The following SPACA7 variants were observed in gnomAD, a reference collection of about 807,000 sequenced individuals.
SPACA7 encodes sperm acrosome-associated protein 7.
Under a neutral mutation model 26.3 loss-of-function variants are expected in SPACA7, and 19 were observed. That is an observed-to-expected ratio of 0.72 (90% CI 0.50 to 1.06). The LOEUF (loss-of-function observed/expected upper bound fraction) is 1.06. SPACA7 is among the 50% of genes least tolerant of loss of function. The probability of loss-of-function intolerance (pLI) is 0.00; values close to 1 mark genes in which losing one functional copy is unlikely to be tolerated. For synonymous variants in SPACA7, 84 were observed against 84.5 expected, an observed-to-expected ratio of 0.99 and a Z score of 0.04; for missense variants, 211 against 229.9, an observed-to-expected ratio of 0.92 and a Z score of 0.53.
At chr13:112,396,274 T>C (rs140802110) in intron 2 of SPACA7, among the ~76,000 whole-genome samples, 40,355 of 151,068 alleles carry the variant, frequency 0.27, 5,509 homozygotes, top group African/African-American at 0.38. Context: ...ACGGGGGTGA[T>C]CCCCAGTAAC....
intron 5 of SPACA7, among the ~76,000 whole-genome samples, chr13:112,411,009 A>C (rs1886313536): frequency 6.6e-6 from 1 of 152,270 alleles, no homozygotes; most frequent in East Asian, 1.9e-4. Flanking sequence ...TTACTTTCTC[A>C]GGAAAACTGA....
chr13:112,393,545 C>G (rs1366989650), intron 2 of SPACA7, among the ~76,000 whole-genome samples: 1 of 151,822 alleles, frequency 6.6e-6, no homozygotes, highest in Non-Finnish European at 1.5e-5. Flanking sequence ...AAACTACAGA[C>G]CCCCTGGCCT....
chr13:112,415,824 C>A (rs777417919), intron 5 of SPACA7, among the ~76,000 whole-genome samples: 1 of 152,092 alleles, frequency 6.6e-6, no homozygotes, highest in Non-Finnish European at 1.5e-5. Flanking sequence ...TGAAGCAGGG[C>A]AGGACTCAGG....
chr13:112,431,669 C>T (rs753076110), intron 5 of SPACA7, among the ~76,000 whole-genome samples: 2 of 152,178 alleles, frequency 1.3e-5, no homozygotes, highest in Non-Finnish European at 2.9e-5. Flanking sequence ...TGTACCAAAC[C>T]GTATTTTTAA....
chr13:112,403,235 T>A (rs1288933223), intron 5 of SPACA7, among the ~76,000 whole-genome samples: 1 of 152,216 alleles, frequency 6.6e-6, no homozygotes, highest in African/African-American at 2.4e-5. Flanking sequence ...AGTTATCCAC[T>A]TCTTCTTGGT....
chr13:112,399,225 G>C, intron 4 of SPACA7, 52 bp downstream of exon 4: 1 of 984,686 alleles, frequency 1.0e-6, no homozygotes, highest in Non-Finnish European at 1.6e-6. Context: ...TAATGGGAGA[G>C]GTAGGAGGCA....
chr13:112,413,271 T>C (rs540572396), intron 5 of SPACA7, among the ~76,000 whole-genome samples: 1 of 152,340 alleles, frequency 6.6e-6, no homozygotes, highest in Non-Finnish European at 1.5e-5. Flanking sequence ...GTCTGGTGGA[T>C]GTGAATTCTC....
rs1026120253 is a variant in SPACA7, at chr13:112,432,611, G to C, written c.523+90G>C. 4 of 983,840 alleles carry C rather than the reference G, an allele frequency of 4.1e-6. No individual in the cohort carries two copies. In the African/African-American group the frequency reaches 6.4e-5, roughly 16 times the overall value. The allele number at this position is 983,840 out of a possible 1,614,324, so 60.9% of individuals were successfully genotyped here. On this transcript the variant is annotated intron_variant, in intron 6 of 6. Transcript: ENST00000283550. Reference sequence around the variant, plus strand: ...GTGTGTCTCCGAGCAGCTCCAGGGAGAGCAGGTGAGCCCAGCCCCCAGGTG... The same window carrying C: ...GTGTGTCTCCGAGCAGCTCCAGGGACAGCAGGTGAGCCCAGCCCCCAGGTG...
chr13:112,395,085 G>T (rs9577739), intron 2 of SPACA7, among the ~76,000 whole-genome samples: 93,283 of 151,918 alleles, frequency 0.61, 28,929 homozygotes, highest in South Asian at 0.7. Context: ...CACGTGCAAT[G>T]TCAAAGCCTC....
Position 112,433,347 on chromosome 13 carries a change from C to G in SPACA7, c.523+826C>G, listed in dbSNP as rs537457346. On this transcript the variant is annotated intron_variant, in intron 6 of 6. Coordinates refer to ENST00000283550, the MANE Select transcript of SPACA7 (RefSeq NM_145248.5). ...AGACATTGAGACCCTGTCACCTTCA[C>G]TCACCTCCACTGGTGCTTCCCAAGC... Among the ~76,000 whole-genome samples the G allele has an allele frequency of 3.3e-5, 5 of 149,306 alleles. No homozygotes were observed. In the South Asian group the frequency reaches 1.1e-3, roughly 33 times the overall value.
Position 112,416,804 on chromosome 13 carries a change from T to TTGTGTGTGTGTGTGTG in SPACA7, c.446-15626_446-15611dup, listed in dbSNP as rs148795567. ...AGTCATTTACATATATGATTATGAG[T>TTGTGTGTGTGTGTGTG]TGTGTGTGTGTGTGTGTGTGTGTGT... is the stretch of plus-strand genomic sequence containing the variant. On this transcript the variant is annotated intron_variant, in intron 5 of 6. Transcript: ENST00000283550. 2.0e-3 allele frequency among the ~76,000 whole-genome samples: 295 copies of TTGTGTGTGTGTGTGTG among 148,034 alleles called. 2 individuals carry two copies. The highest frequency in any genetic ancestry group is 5.6e-3 in the African/African-American group (224 of 40,322).
chr13:112,403,107 T>C lies in SPACA7; in HGVS notation c.445+1943T>C, dbSNP rs544258142. ...TTTATGAGAAATCCCTGTGAAACCA[T>C]CTCTTCCTGGTGCTTTTTCTGGGGT... On this transcript the variant is annotated intron_variant, in intron 5 of 6. Transcript: ENST00000283550. 7.2e-5 allele frequency among the ~76,000 whole-genome samples: 11 copies of C among 152,290 alleles called. No individual in the cohort carries two copies. In the East Asian group the frequency reaches 1.3e-3, roughly 19 times the overall value.
chr13:112,429,540 A>AG lies in SPACA7; in HGVS notation c.446-2898dup, dbSNP rs200744586. Among the ~76,000 whole-genome samples, 783 of 152,200 alleles carry AG rather than the reference A, an allele frequency of 5.1e-3. 5 individuals are homozygous for AG. The highest frequency in any genetic ancestry group is 7.0e-3 in the Admixed American group (107 of 15,282). On this transcript the variant is annotated intron_variant, in intron 5 of 6. Transcript: ENST00000283550. ...TTACTTTTAACCCATTTGTGTCTTT[A>AG]GGGGGGTTTCTTATAGACAGCGTAT...
At chr13:112,392,840 C>A (rs571508984) in intron 1 of SPACA7, among the ~76,000 whole-genome samples, 181 bp from the exon 2 acceptor site, 3 of 152,304 alleles carry the variant, frequency 2.0e-5, no homozygotes, top group East Asian at 3.9e-4. Context: ...ACAAGAAAGC[C>A]AAGTCCCAGA....
At chr13:112,397,230 C>T (rs1459013487) in intron 2 of SPACA7, among the ~76,000 whole-genome samples, 3 of 152,192 alleles carry the variant, frequency 2.0e-5, no homozygotes, top group African/African-American at 4.8e-5. Flanking sequence ...ACCAGACGCC[C>T]GCTTTGCCTG....
At chr13:112,413,420 C>A (rs957533960) in intron 5 of SPACA7, among the ~76,000 whole-genome samples, 1 of 150,420 alleles carries the variant, frequency 6.6e-6, no homozygotes. Context: ...CCCTCCTGGC[C>A]TATAAAGTTT....
At chr13:112,404,572 C>A (rs1885852812) in intron 5 of SPACA7, among the ~76,000 whole-genome samples, 1 of 152,152 alleles carries the variant, frequency 6.6e-6, no homozygotes. Flanking sequence ...GTCCTTTATC[C>A]ATCTTGAGTT....
chr13:112,406,029 T>C (rs1246803900), intron 5 of SPACA7, among the ~76,000 whole-genome samples: 2 of 152,244 alleles, frequency 1.3e-5, no homozygotes, highest in Non-Finnish European at 2.9e-5. Flanking sequence ...TTTTTTAGTT[T>C]ACCATTTAAA....
chr13:112,402,427 C>T (rs1885706790), intron 5 of SPACA7, among the ~76,000 whole-genome samples: 1 of 152,166 alleles, frequency 6.6e-6, no homozygotes, highest in Admixed American at 6.5e-5. Flanking sequence ...TTAGCTTTAT[C>T]ATTGATTATC....
Sources: allele counts gnomAD v4.1 joint callset (sites outside exome capture counted in the v4.1 genomes callset), GRCh38; gene constraint gnomAD v4.1.1; transcripts MANE v1.5; gene names NCBI Gene and HGNC (gene_info 2026-07-23, HGNC 2026-07-21).